Variants in SEMA3C observed in about 807,000 individuals in gnomAD.
The protein encoded by SEMA3C is semaphorin 3C, also known as semaphorin-3C.
SEMA3C carries 47 observed loss-of-function variants against 89.4 expected under a neutral mutation model. That is an observed-to-expected ratio of 0.53 (90% confidence interval 0.42 to 0.67). SEMA3C has a LOEUF of 0.67. Among genes scored for constraint, SEMA3C ranks in the 30% least tolerant of loss-of-function variants. The pLI, the probability that SEMA3C is intolerant of heterozygous loss-of-function variation, is 0.00. For synonymous variants in SEMA3C, 310 were observed against 320.2 expected, an observed-to-expected ratio of 0.97 and a Z score of 0.34; for missense variants, 839 against 929.1, an observed-to-expected ratio of 0.90 and a Z score of 1.26.
At chr7:80,811,078 C>T (rs1001341378) in intron 5 of SEMA3C, among the ~76,000 whole-genome samples, 10 of 152,110 alleles carry the variant, frequency 6.6e-5, no homozygotes, top group African/African-American at 2.4e-4. Flanking sequence ...AAGGACTATA[C>T]TATTTTCAAA....
rs1789282802 is a variant in SEMA3C, at chr7:80,804,188, A to G, written c.719T>C (p.Val240Ala). The G allele has an allele frequency of 6.2e-7, 1 of 1,612,838 alleles. No homozygotes were observed. The highest frequency in any genetic ancestry group is 1.7e-5 in the Admixed American group (1 of 59,936). Residue 240 changes from valine to alanine, a missense_variant, in exon 8 of 18, where the codon GTG becomes GCG. Transcript: ENST00000265361. ...PDGTDPNDAK[V>A]YFFFKEKLTD... ...CAGTTTTTCTTTGAAGAAGAAGTAC[A>G]CCTTAGCATCATTTGGATCAGTACC...
chr7:80,863,818 T>TGTATGTG (rs1280810748), intron 2 of SEMA3C, among the ~76,000 whole-genome samples: 4 of 117,356 alleles, frequency 3.4e-5, no homozygotes, highest in Admixed American at 8.0e-5. Context: ...GTGATACATA[T>TGTATGTG]ATATGTGATA....
At chr7:80,820,569 A>G (rs1318990013) in intron 4 of SEMA3C, among the ~76,000 whole-genome samples, 1 of 152,046 alleles carries the variant, frequency 6.6e-6, no homozygotes, top group Non-Finnish European at 1.5e-5. Flanking sequence ...ATAGATTTTT[A>G]TTATTAAATA....
intron 12 of SEMA3C, among the ~76,000 whole-genome samples, chr7:80,767,581 T>A (rs560088462): frequency 3.6e-4 from 55 of 152,338 alleles, no homozygotes; most frequent in Admixed American, 8.5e-4. Context: ...AAAATATATT[T>A]ACTTAAAATG....
chr7:80,882,117 G>C (rs1267932343), intron 2 of SEMA3C, among the ~76,000 whole-genome samples: 1 of 152,052 alleles, frequency 6.6e-6, no homozygotes, highest in African/African-American at 2.4e-5. Flanking sequence ...GCATATAAAA[G>C]AACTACAATC....
chr7:80,899,039 T>C (rs1056380378), intron 2 of SEMA3C, among the ~76,000 whole-genome samples: 1 of 152,152 alleles, frequency 6.6e-6, no homozygotes, highest in African/African-American at 2.4e-5. Context: ...TGCCCTACTT[T>C]ATCAACATTT....
intron 2 of SEMA3C, among the ~76,000 whole-genome samples, chr7:80,856,433 C>G (rs1360896778): frequency 6.9e-6 from 1 of 145,864 alleles, no homozygotes; most frequent in African/African-American, 2.5e-5. Context: ...AAGATTAGCA[C>G]AAGCAGAGAA....
chr7:80,750,278 TTTAA>T (rs1787894295), intron 16 of SEMA3C, among the ~76,000 whole-genome samples: 1 of 151,136 alleles, frequency 6.6e-6, no homozygotes, highest in African/African-American at 2.4e-5. Context: ...AAGGAATTAG[TTTAA>T]TTGAGGGACA....
intron 5 of SEMA3C, among the ~76,000 whole-genome samples, chr7:80,812,704 C>T (rs1163835209): frequency 6.6e-6 from 1 of 152,134 alleles, no homozygotes; most frequent in Non-Finnish European, 1.5e-5. Context: ...TAAAACTTGT[C>T]TCCTGAGAAA....
intron 11 of SEMA3C, 127 bp from the exon 12 acceptor site, chr7:80,789,655 G>C: frequency 1.6e-6 from 1 of 640,302 alleles, no homozygotes; most frequent in East Asian, 2.7e-5. Flanking sequence ...GCTACCTATG[G>C]AAGTGAAAAG....
chr7:80,753,384 C>G (rs1215327987), intron 15 of SEMA3C, among the ~76,000 whole-genome samples: 1 of 152,174 alleles, frequency 6.6e-6, no homozygotes, highest in Non-Finnish European at 1.5e-5. Flanking sequence ...TCTAGGCAAG[C>G]AATATCATCC....
chr7:80,784,933 C>A (rs1788768487), intron 12 of SEMA3C, among the ~76,000 whole-genome samples: 2 of 152,070 alleles, frequency 1.3e-5, no homozygotes, highest in Non-Finnish European at 2.9e-5. Context: ...AGTTTGCCAA[C>A]CCATAGACTA....
intron 2 of SEMA3C, among the ~76,000 whole-genome samples, chr7:80,906,088 T>C (rs1472425174): frequency 6.6e-6 from 1 of 152,186 alleles, no homozygotes. Context: ...TATCGATCCA[T>C]AATTCACCAA....
At chr7:80,886,918 T>C (rs1202545812) in intron 2 of SEMA3C, among the ~76,000 whole-genome samples, 1 of 152,174 alleles carries the variant, frequency 6.6e-6, no homozygotes, top group African/African-American at 2.4e-5. Flanking sequence ...ATTAGGGTAT[T>C]GCTAGGTAAC....
chr7:80,814,094 T>A (rs1789540173), intron 5 of SEMA3C, among the ~76,000 whole-genome samples: 1 of 150,898 alleles, frequency 6.6e-6, no homozygotes, highest in Non-Finnish European at 1.5e-5. Flanking sequence ...CTTTTTTCTT[T>A]TTTTTTTTAT....
intron 2 of SEMA3C, among the ~76,000 whole-genome samples, chr7:80,845,594 A>G (rs967205630): frequency 2.6e-5 from 4 of 152,130 alleles, no homozygotes; most frequent in Admixed American, 2.6e-4. Context: ...AATGTCTCTC[A>G]TATCTGTCAT....
chr7:80,872,082 A>T (rs1791071938), intron 2 of SEMA3C, among the ~76,000 whole-genome samples: 1 of 152,178 alleles, frequency 6.6e-6, no homozygotes. Flanking sequence ...GCAATGTTAT[A>T]AAAATAAGGG....
In SEMA3C at chr7:80,758,392, G is replaced by A. The variant is rs764684749; in HGVS notation, c.1582C>T (p.Arg528Trp). ...CCATCCCAGGCGCAATAAGGGTCCC[G>A]CGCCAGGCAGCAGTCAGCACAGGCT... ...GTACADCCLA[R>W]DPYCAWDGHS... The change falls in exon 15 of 18, where the codon CGG becomes TGG. Residue 528 changes from arginine (R) to tryptophan (W), a missense_variant. Coordinates refer to ENST00000265361, the MANE Select transcript of SEMA3C (RefSeq NM_006379.5). 1.2e-6 allele frequency: 2 copies of A among 1,614,026 alleles called. No homozygotes were observed. The highest frequency in any genetic ancestry group is 1.7e-6 in the Non-Finnish European group (2 of 1,180,002).
At chr7:80,782,353 T>C (rs975304551) in intron 12 of SEMA3C, among the ~76,000 whole-genome samples, 1 of 152,166 alleles carries the variant, frequency 6.6e-6, no homozygotes. Context: ...GGTAGTAACA[T>C]ATGGATGGGT....
Sources: allele counts gnomAD v4.1 joint callset (sites outside exome capture counted in the v4.1 genomes callset), GRCh38; gene constraint gnomAD v4.1.1; transcripts MANE v1.5; gene names NCBI Gene and HGNC (gene_info 2026-07-23, HGNC 2026-07-21).